The following CSF2RA variants were observed in gnomAD, a reference collection of about 807,000 sequenced individuals.
CSF2RA encodes the protein granulocyte-macrophage colony-stimulating factor receptor subunit alpha.
A neutral mutation model predicts 51.6 loss-of-function variants in CSF2RA; 42 were observed. That is an observed-to-expected ratio of 0.81 (90% CI 0.64 to 1.05). The LOEUF is 1.05. Among genes scored for constraint, CSF2RA ranks in the 50% least tolerant of loss-of-function variants. The pLI is 0.00. For synonymous variants in CSF2RA, 222 were observed against 193.0 expected, an observed-to-expected ratio of 1.15 and a Z score of -1.24; for missense variants, 530 against 501.1, an observed-to-expected ratio of 1.06 and a Z score of -0.55.
chrX:1,324,772 C>T, the CSF2RA span, among the ~76,000 whole-genome samples: 10 of 152,042 alleles, frequency 6.6e-5, no homozygotes, highest in Non-Finnish European at 1.3e-4. Flanking sequence ...AAGATGTGGA[C>T]GCACGCAGGG....
chrX:1,275,557 T>TTTAG (rs1321342433), intron 2 of CSF2RA, among the ~76,000 whole-genome samples: 1 of 151,600 alleles, frequency 6.6e-6, no homozygotes, highest in Non-Finnish European at 1.5e-5. Flanking sequence ...CTTTATTTTA[T>TTTAG]TTATTTATTT....
At position 1,303,956 on chromosome X, in the gene CSF2RA, T is replaced by C; in HGVS notation, c.980T>C (p.Ile327Thr). 6.2e-7 allele frequency: 1 copy of C among 1,613,496 alleles called. No homozygotes were observed. ...SDDGNLGSVY[I>T]YVLLIVGTLV... ...GACGGGAACCTCGGCTCTGTGTACA[T>C]TTATGTGCTCCTAATCGTGGGAACC... Residue 327 changes from isoleucine to threonine, a missense_variant, in exon 11 of 13, where the codon ATT becomes ACT. Physicochemically the swap from Ile to Thr is moderately conservative, Grantham distance 89 (BLOSUM62 -1). Transcript: ENST00000381529.
At chrX:1,310,640 C>T (rs1235994013), downstream of CSF2RA, among the ~76,000 whole-genome samples, 27 of 146,984 alleles carry the variant, frequency 1.8e-4, no homozygotes, top group Non-Finnish European at 3.1e-4. Context: ...CGCACTCCAG[C>T]GTGGATGACA....
At chrX:1,281,453 TCTC>T (rs1473122300) in intron 2 of CSF2RA, among the ~76,000 whole-genome samples, 4 of 72,562 alleles carry the variant, frequency 5.5e-5, no homozygotes, top group East Asian at 4.8e-4. Context: ...TCCTGCTCCT[TCTC>T]CTCCTCCTCC....
intron 3 of CSF2RA, among the ~76,000 whole-genome samples, chrX:1,284,359 T>TGCC (rs1211478918): frequency 2.0e-5 from 3 of 149,902 alleles, no homozygotes; most frequent in African/African-American, 7.4e-5. Context: ...TACACCACCA[T>TGCC]GCCAAGCTAA....
chrX:1,304,651 T>C (rs1435833949), intron 11 of CSF2RA, among the ~76,000 whole-genome samples: 1 of 108,970 alleles, frequency 9.2e-6, no homozygotes, highest in Non-Finnish European at 1.9e-5. Context: ...TGGGTTTTTT[T>C]TTGTTTGTTT....
Position 1,300,474 on chromosome X carries a change from T to C in CSF2RA, c.811-17T>C, listed in dbSNP as rs1381757144. The C allele has an allele frequency of 1.2e-6, 2 of 1,613,806 alleles. No homozygotes were observed. The highest frequency in any genetic ancestry group is 1.3e-5 in the African/African-American group (1 of 74,930). On this transcript the variant is annotated splice_polypyrimidine_tract_variant and intron_variant, in intron 9 of 12. Coordinates refer to ENST00000381529, the MANE Select transcript of CSF2RA (RefSeq NM_172245.4). ...CACAGAAGACGCCTATCTCTAACTT[T>C]CTTTTTTCCTCCAAAGATTAATGTT...
the CSF2RA span, among the ~76,000 whole-genome samples, chrX:1,323,276 G>A: frequency 2.0e-5 from 3 of 151,860 alleles, no homozygotes; most frequent in African/African-American, 7.2e-5. Flanking sequence ...CACTTTGGGA[G>A]GCCGAGGCGG....
intron 11 of CSF2RA, among the ~76,000 whole-genome samples, 160 bp downstream of exon 11, chrX:1,304,179 C>T (rs1198383194): frequency 4.0e-5 from 3 of 75,364 alleles, no homozygotes; most frequent in African/African-American, 6.5e-5. Flanking sequence ...GAGGCCGAGG[C>T]GGGTGGATCA....
At chrX:1,318,260 T>C in the CSF2RA span, among the ~76,000 whole-genome samples, 1 of 151,412 alleles carries the variant, frequency 6.6e-6, no homozygotes, top group Non-Finnish European at 1.5e-5. Context: ...GCTTCCCGGG[T>C]TCAAGTGATT....
downstream of CSF2RA, among the ~76,000 whole-genome samples, chrX:1,314,970 GTGCCTGCCCAATCGCACT>G (rs2084500840): frequency 2.2e-4 from 25 of 112,686 alleles, 1 homozygote; most frequent in African/African-American, 6.3e-4. Context: ...CAACCCCACT[GTGCCTGCCCAATCGCACT>G]GCACCTGCCC....
At chrX:1,298,635 C>T (rs762728295) in intron 9 of CSF2RA, among the ~76,000 whole-genome samples, 2 of 13,232 alleles carry the variant, frequency 1.5e-4, no homozygotes, top group East Asian at 4.1e-3. Flanking sequence ...ACTCTCCTAC[C>T]CATGACCCCT....
rs762383537 is a variant in CSF2RA at position 1,289,805 on chromosome X, T to C, written c.474-532T>C. Among the ~76,000 whole-genome samples, 34 of 141,798 alleles carry C rather than the reference T, an allele frequency of 2.4e-4. No homozygotes were observed. In the South Asian group the frequency reaches 7.2e-3, roughly 30 times the overall value. 93.0% of individuals were successfully genotyped at this position (141,798 alleles called of 152,430 possible). The stretch of plus-strand genomic sequence containing the variant: ...TTTCATTTTGTTTTGTTTTGTGTTT[T>C]TGTGTTTTGTTTTGTTTTGTGTTTG... On this transcript the variant is annotated intron_variant, in intron 6 of 12. Transcript: ENST00000381529.
chrX:1,305,875 G>A (rs2083511842), intron 12 of CSF2RA: 2 of 1,292,510 alleles, frequency 1.5e-6, no homozygotes, highest in Non-Finnish European at 2.2e-6. Flanking sequence ...GAGGTCAGAG[G>A]TTCGAGACCA....
chrX:1,314,549 A>T (rs1301853715), downstream of CSF2RA, among the ~76,000 whole-genome samples: 46 of 102,868 alleles, frequency 4.5e-4, no homozygotes, highest in African/African-American at 1.8e-3. Flanking sequence ...GCCCAATCCC[A>T]CTGCACCTGC....
intron 9 of CSF2RA, among the ~76,000 whole-genome samples, chrX:1,297,916 A>G (rs1340754033): frequency 5.7e-5 from 3 of 52,458 alleles, no homozygotes; most frequent in African/African-American, 2.5e-4. Flanking sequence ...ACAGTCTCCT[A>G]CCCATGACCC....
chrX:1,269,011 G>C (rs1451151526), intron 1 of CSF2RA, 132 bp downstream of exon 1: 1 of 391,818 alleles, frequency 2.6e-6, no homozygotes, highest in African/African-American at 2.1e-5. Flanking sequence ...GGCTCGAGCC[G>C]AAGTGGGGAC....
chrX:1,321,245 G>A, the CSF2RA span, among the ~76,000 whole-genome samples: 1 of 152,024 alleles, frequency 6.6e-6, no homozygotes, highest in Non-Finnish European at 1.5e-5. Context: ...CGAGGCGGGT[G>A]GATCACGAGG....
intron 2 of CSF2RA, chrX:1,282,397 T>A (rs1163466070): frequency 1.8e-6 from 1 of 541,532 alleles, no homozygotes; most frequent in Non-Finnish European, 3.3e-6. Flanking sequence ...AGCTATGGGT[T>A]CCCTCATGAA....
Sources: allele counts gnomAD v4.1 joint callset (sites outside exome capture counted in the v4.1 genomes callset), GRCh38; gene constraint gnomAD v4.1.1; transcripts MANE v1.5; gene names NCBI Gene and HGNC (gene_info 2026-07-23, HGNC 2026-07-21).